Variants in WSCD2 observed in about 807,000 individuals in gnomAD.
WSCD2 encodes WSC domain sialate O sulfotransferase 2.
A neutral mutation model predicts 55.7 loss-of-function variants in WSCD2; 28 were observed. The observed-to-expected ratio is 0.50, with a 90% CI of 0.37 to 0.69. The LOEUF is 0.69. Ranked by LOEUF, WSCD2 falls within the 30% of genes least tolerant of loss-of-function variation. The pLI is 0.00. For missense variants in WSCD2, 616 were observed against 762.1 expected, an observed-to-expected ratio of 0.81 and a Z score of 2.26; for synonymous variants, 301 against 301.9, an observed-to-expected ratio of 1.00 and a Z score of 0.03.
At chr12:108,242,038 G>A (rs12304109) in intron 8 of WSCD2, among the ~76,000 whole-genome samples, 2,384 of 152,226 alleles carry the variant, frequency 0.016, 46 homozygotes, top group African/African-American at 0.054. Flanking sequence ...CAGAGCCCCC[G>A]ACACATAGCA....
At chr12:108,152,274 C>A (rs1466781971) in intron 1 of WSCD2, among the ~76,000 whole-genome samples, 5 of 152,192 alleles carry the variant, frequency 3.3e-5, no homozygotes, top group Non-Finnish European at 5.9e-5. Flanking sequence ...CATTGGTGGG[C>A]TGTGACCAAG....
intron 1 of WSCD2, among the ~76,000 whole-genome samples, chr12:108,137,501 G>A (rs1876345516): frequency 6.6e-6 from 1 of 152,204 alleles, no homozygotes; most frequent in Admixed American, 6.5e-5. Flanking sequence ...CACAGTGACA[G>A]CAGGCAGAAG....
At chr12:108,225,332 T>G (rs1265896982) in intron 5 of WSCD2, among the ~76,000 whole-genome samples, 2 of 152,156 alleles carry the variant, frequency 1.3e-5, no homozygotes, top group East Asian at 3.9e-4. Flanking sequence ...CTCATGAGAC[T>G]TATTCACTAT....
intron 1 of WSCD2, among the ~76,000 whole-genome samples, chr12:108,135,146 G>GTCCATCCA (rs879662718): frequency 2.7e-5 from 4 of 149,306 alleles, no homozygotes; most frequent in Admixed American, 2.6e-4. Context: ...CCGTCCATCC[G>GTCCATCCA]TCCATCCATC....
intron 4 of WSCD2, among the ~76,000 whole-genome samples, chr12:108,221,376 TA>T (rs1322137473): frequency 5.3e-5 from 8 of 151,966 alleles, no homozygotes; most frequent in African/African-American, 1.9e-4. Context: ...CCAACAGGGT[TA>T]AACCCCATCT....
intron 8 of WSCD2, among the ~76,000 whole-genome samples, chr12:108,243,528 C>G (rs1439863209): frequency 6.6e-6 from 1 of 152,176 alleles, no homozygotes; most frequent in Non-Finnish European, 1.5e-5. Flanking sequence ...GCCACCGCGC[C>G]CAGCCACAAT....
chr12:108,145,041 A>C (rs1300065919), intron 1 of WSCD2, among the ~76,000 whole-genome samples: 1 of 152,232 alleles, frequency 6.6e-6, no homozygotes, highest in Non-Finnish European at 1.5e-5. Flanking sequence ...ATCCCTGAGC[A>C]GTGAAATCCA....
intron 1 of WSCD2, among the ~76,000 whole-genome samples, chr12:108,154,083 G>A (rs1878289248): frequency 1.3e-5 from 2 of 152,224 alleles, no homozygotes. Flanking sequence ...GGCACCAGGA[G>A]GGAAGGTCAG....
At chr12:108,173,607 A>G (rs4964645) in intron 1 of WSCD2, among the ~76,000 whole-genome samples, 124,102 of 151,858 alleles carry the variant, frequency 0.82, 50,825 homozygotes, top group East Asian at 0.91. Flanking sequence ...CTGATTGCCC[A>G]GTAGATGCTG....
chr12:108,209,076 T>A (rs1263612715), intron 3 of WSCD2, among the ~76,000 whole-genome samples: 1 of 152,170 alleles, frequency 6.6e-6, no homozygotes, highest in African/African-American at 2.4e-5. Context: ...TCCTTCCTAC[T>A]CCCAGAGCCA....
chr12:108,207,202 G>A (rs1885502815), intron 3 of WSCD2, among the ~76,000 whole-genome samples: 1 of 151,800 alleles, frequency 6.6e-6, no homozygotes, highest in Non-Finnish European at 1.5e-5. Flanking sequence ...TTGTTTCTTG[G>A]GCCCCTTGAC....
chr12:108,137,416 C>T (rs1266970017), intron 1 of WSCD2, among the ~76,000 whole-genome samples: 1 of 152,220 alleles, frequency 6.6e-6, no homozygotes, highest in Non-Finnish European at 1.5e-5. Context: ...TTGTGATGAG[C>T]TCAGTGACCT....
intron 8 of WSCD2, 66 bp from the exon 9 acceptor site, chr12:108,247,925 C>T (rs1210208849): frequency 1.3e-6 from 2 of 1,522,060 alleles, no homozygotes; most frequent in Non-Finnish European, 9.0e-7. Context: ...CCACTGCCAG[C>T]ACCATCTGAC....
chr12:108,224,237 A>G (rs61699435), intron 4 of WSCD2, among the ~76,000 whole-genome samples: 33,069 of 152,076 alleles, frequency 0.22, 3,793 homozygotes, highest in African/African-American at 0.29. Context: ...TCTGAGGCCC[A>G]GGACTTTTCC....
chr12:108,180,305 C>T (rs1224968761), intron 1 of WSCD2, among the ~76,000 whole-genome samples: 1 of 152,140 alleles, frequency 6.6e-6, no homozygotes, highest in Non-Finnish European at 1.5e-5. Flanking sequence ...AAAAACATGC[C>T]GCCCCCCGCA....
At chr12:108,207,249 C>T (rs1317227569) in intron 3 of WSCD2, among the ~76,000 whole-genome samples, 1 of 152,224 alleles carries the variant, frequency 6.6e-6, no homozygotes, top group African/African-American at 2.4e-5. Context: ...AATATGCTCA[C>T]CTTCAGGCTC....
chr12:108,204,227 T>A (rs1274147426), intron 2 of WSCD2, among the ~76,000 whole-genome samples: 1 of 151,664 alleles, frequency 6.6e-6, no homozygotes, highest in Non-Finnish European at 1.5e-5. Context: ...TGTCTTTGTC[T>A]CTCTCTCTCT....
intron 6 of WSCD2, among the ~76,000 whole-genome samples, chr12:108,229,865 G>GAA (rs199775108): frequency 1.3e-4 from 15 of 117,236 alleles, no homozygotes; most frequent in African/African-American, 2.2e-4. Flanking sequence ...TTTTGCTCTG[G>GAA]AAAAAAAAAA....
chr12:108,168,704 A>G (rs1371652739), intron 1 of WSCD2, among the ~76,000 whole-genome samples: 1 of 152,238 alleles, frequency 6.6e-6, no homozygotes, highest in Non-Finnish European at 1.5e-5. Context: ...AGCAAATGCT[A>G]GCTTGAAAGA....
Sources: gnomAD v4.1 joint callset for allele counts (sites outside exome capture counted in the v4.1 genomes callset) on GRCh38, gnomAD v4.1.1 for gene constraint, MANE v1.5 for transcripts, NCBI Gene and HGNC (gene_info 2026-07-23, HGNC 2026-07-21) for gene names.